Variants in ZNF446 observed in about 807,000 individuals in gnomAD.
ZNF446 encodes zinc finger protein with KRAB and SCAN domains 20.
ZNF446 carries 42 observed loss-of-function variants against 34.0 expected under a neutral mutation model. That is an observed-to-expected ratio of 1.23 (90% CI 0.96 to 1.60). The LOEUF (loss-of-function observed/expected upper bound fraction) is 1.60, where lower values mean the gene tolerates loss of function less well. Among genes scored for constraint, ZNF446 ranks in the 40% most tolerant of loss-of-function variants. The pLI is 0.00. For missense variants in ZNF446, 650 were observed against 600.2 expected, an observed-to-expected ratio of 1.08 and a Z score of -0.87; for synonymous variants, 315 against 251.0, an observed-to-expected ratio of 1.25 and a Z score of -2.41.
rs776012556 is a variant in ZNF446, at chr19:58,480,653, A to G, written c.1280A>G (p.Asp427Gly). ...GGCCAGCGGCGTCACTTCTGCAGTG[A>G]CTGTGGCCGCGCCTTCGACTGGAAG... Reference protein sequence around the residue: ...HTGQRRHFCSDCGRAFDWKSQ... With the variant: ...HTGQRRHFCSGCGRAFDWKSQ... The change falls in exon 7 of 7, where the codon GAC becomes GGC. Residue 427 changes from aspartate (D) to glycine (G), a missense_variant. Physicochemically the swap from Asp to Gly is moderately conservative, Grantham distance 94. Transcript: ENST00000594369. This position sits in a 1 kb window ranked among gnomAD's most constrained non-coding sequence, Gnocchi z 7.2. The G allele has an allele frequency of 6.2e-6, 10 of 1,611,896 alleles. No homozygotes were observed. Among genetic ancestry groups the G allele is most frequent in the Non-Finnish European group, 6.8e-6 (8 of 1,179,864 alleles).
intron 1 of ZNF446, 62 bp from the exon 2 acceptor site, chr19:58,477,116 TG>T: frequency 9.6e-7 from 1 of 1,040,614 alleles, no homozygotes; most frequent in Non-Finnish European, 1.4e-6. Flanking sequence ...GGGCTGAGCC[TG>T]GTGTCTGCCT....
At chr19:58,477,958 G>GA (rs2053103852) in intron 3 of ZNF446, 129 bp from the exon 4 acceptor site, 3 of 1,318,626 alleles carry the variant, frequency 2.3e-6, no homozygotes, top group Non-Finnish European at 2.1e-6. Context: ...CCCTGTCTGG[G>GA]ATGGGGACCT....
downstream of ZNF446, among the ~76,000 whole-genome samples, chr19:58,484,069 C>T (rs184975575): frequency 3.3e-3 from 508 of 152,044 alleles, no homozygotes; most frequent in Middle Eastern, 0.014. Flanking sequence ...TTATTTTTGC[C>T]TTAAAACAGC....
At chr19:58,486,675 C>T in the ZNF446 span, among the ~76,000 whole-genome samples, 2 of 149,086 alleles carry the variant, frequency 1.3e-5, no homozygotes, top group African/African-American at 5.0e-5. Context: ...CCCCAAAGTG[C>T]TGGGATTACA....
chr19:58,484,572 C>T (rs986967188), downstream of ZNF446, among the ~76,000 whole-genome samples: 5 of 151,942 alleles, frequency 3.3e-5, no homozygotes, highest in Admixed American at 3.3e-4. Context: ...TGGCTCACAC[C>T]TGTAAGCCCA....
chr19:58,479,699 G>A lies in ZNF446; in HGVS notation c.684G>A (p.Leu228=). 1 of 1,613,598 alleles carries A rather than the reference G, an allele frequency of 6.2e-7. No individual in the cohort carries two copies. The highest frequency in any genetic ancestry group is 8.5e-7 in the Non-Finnish European group (1 of 1,179,898). ...SQKELYWDAM[L]EKYGTVVSLG... Reference sequence around the variant, plus strand: ...AGGAACTGTACTGGGATGCGATGCTGGAGAAGTACGGCACAGTGGTCTCCC... The same window carrying A: ...AGGAACTGTACTGGGATGCGATGCTAGAGAAGTACGGCACAGTGGTCTCCC... The change falls in exon 5 of 7, where the codon CTG becomes CTA. Residue 228 remains leucine, a synonymous_variant. Transcript: ENST00000594369.
chr19:58,479,997 C>A lies in ZNF446; in HGVS notation c.780C>A (p.Gly260=). Residue 260 remains glycine (G), a synonymous_variant, in exon 6 of 7, where the codon GGC becomes GGA. Transcript: ENST00000594369. ...TGGGGATGCTGCTCACGGGGACAGG[C>A]GTCTGCAGAAGCCTGCGCTCGGGTG... ...SELGMLLTGT[G]VCRSLRSGNE... is the part of the protein sequence containing the mutation. 1 of 1,589,016 alleles carries A rather than the reference C, an allele frequency of 6.3e-7. No individual in the cohort carries two copies. The highest frequency in any genetic ancestry group is 8.5e-7 in the Non-Finnish European group (1 of 1,170,732).
At chr19:58,484,955 G>A (rs2053161578), downstream of ZNF446, among the ~76,000 whole-genome samples, 1 of 152,146 alleles carries the variant, frequency 6.6e-6, no homozygotes, top group Admixed American at 6.6e-5. Context: ...CTACTCGGGA[G>A]GCTGAGGCAG....
downstream of ZNF446, among the ~76,000 whole-genome samples, chr19:58,485,906 A>T (rs902175920): frequency 4.6e-5 from 7 of 151,768 alleles, no homozygotes; most frequent in African/African-American, 1.7e-4. Context: ...TATCAGGAAA[A>T]TGTAAAACTT....
At chr19:58,484,293 A>AAC (rs1491098037), downstream of ZNF446, among the ~76,000 whole-genome samples, 1 of 143,032 alleles carries the variant, frequency 7.0e-6, no homozygotes, top group African/African-American at 2.6e-5. Flanking sequence ...AAAAAAAAAA[A>AAC]ACACACAATT....
intron 1 of ZNF446, among the ~76,000 whole-genome samples, chr19:58,476,770 C>G (rs1019475588): frequency 6.6e-6 from 1 of 152,120 alleles, no homozygotes; most frequent in South Asian, 2.1e-4. Flanking sequence ...CCGTACATTA[C>G]AGCCTGGCCC....
chr19:58,481,042 C>G lies in ZNF446; in HGVS notation c.*316C>G. 5.4e-6 allele frequency: 2 copies of G among 370,566 alleles called. No homozygotes were observed. Among genetic ancestry groups the G allele is most frequent in the South Asian group, 4.4e-5 (1 of 22,700 alleles). The allele number at this position is 370,566 out of a possible 1,614,324, so 23.0% of individuals were successfully genotyped here. On this transcript the variant is annotated 3_prime_UTR_variant, in exon 7 of 7. Coordinates refer to ENST00000594369, the MANE Select transcript of ZNF446 (RefSeq NM_017908.4). Reference sequence around the variant, plus strand: ...TGACATGGCCTGGGCTGACAACACTCCCTCTCCTGGGACCTCCTTGCCTCA... The same window carrying G: ...TGACATGGCCTGGGCTGACAACACTGCCTCTCCTGGGACCTCCTTGCCTCA...
intron 1 of ZNF446, 45 bp from the exon 2 acceptor site, chr19:58,477,133 TG>T: frequency 7.9e-7 from 1 of 1,259,370 alleles, no homozygotes; most frequent in Non-Finnish European, 1.1e-6. Context: ...TGCCTTCCCC[TG>T]GCCAGATTCT....
chr19:58,488,857 A>AAC, the ZNF446 span, among the ~76,000 whole-genome samples: 16 of 151,286 alleles, frequency 1.1e-4, 1 homozygote, highest in African/African-American at 3.7e-4. Context: ...TCAAAAAAAA[A>AAC]AAAAAAACAA....
At chr19:58,479,876 C>G in intron 5 of ZNF446, 54 bp from the exon 6 acceptor site, 1 of 1,430,332 alleles carries the variant, frequency 7.0e-7, no homozygotes, top group Non-Finnish European at 9.6e-7. Flanking sequence ...CAGAACCGAC[C>G]CCACCCCTCC....
rs2053122947 is a variant in ZNF446 at position 58,479,947 on chromosome 19, C to T, written c.730C>T (p.Pro244Ser). Residue 244 changes from proline to serine, a missense_variant, in exon 6 of 7, where the codon CCA becomes TCA. Coordinates refer to ENST00000594369, the MANE Select transcript of ZNF446 (RefSeq NM_017908.4). Reference sequence around the variant, plus strand: ...CCGGGCAGGGTTACCGCCCCACCAGCCAGAGGCACAGGCCCAGTCAGAGCT... The same window carrying T: ...CCGGGCAGGGTTACCGCCCCACCAGTCAGAGGCACAGGCCCAGTCAGAGCT... ...VVSLGLPPHQ[P>S]EAQAQSELGM... 1 of 1,585,100 alleles carries T rather than the reference C, an allele frequency of 6.3e-7. No individual in the cohort carries two copies. The highest frequency in any genetic ancestry group is 1.1e-5 in the South Asian group (1 of 87,056).
At chr19:58,489,121 C>A in the ZNF446 span, among the ~76,000 whole-genome samples, 1 of 152,172 alleles carries the variant, frequency 6.6e-6, no homozygotes, top group Non-Finnish European at 1.5e-5. Context: ...AGGATAACAG[C>A]CCTTTCCCAA....
intron 5 of ZNF446, 55 bp downstream of exon 5, chr19:58,479,782 G>A (rs772901610): frequency 6.3e-7 from 1 of 1,575,332 alleles, no homozygotes; most frequent in Non-Finnish European, 8.7e-7. Context: ...CACCCACCCT[G>A]CAGCAGGCCT....
At position 58,477,454 on chromosome 19, in the gene ZNF446, C is replaced by G. The variant is rs751818635; in HGVS notation, c.236C>G (p.Pro79Arg). 1 of 1,613,616 alleles carries G rather than the reference C, an allele frequency of 6.2e-7. No individual in the cohort carries two copies. Among genetic ancestry groups the G allele is most frequent in the Middle Eastern group, 1.7e-4 (1 of 6,058 alleles). The change falls in exon 2 of 7, where the codon CCT becomes CGT. Residue 79 changes from proline to arginine, a missense_variant. By Grantham distance (103) the Pro-to-Arg change is moderately radical (BLOSUM62 -2). Coordinates refer to ENST00000594369, the MANE Select transcript of ZNF446 (RefSeq NM_017908.4). The stretch of plus-strand genomic sequence containing the variant: ...CTGGAGCAGTTCCTGGGCACACTGC[C>G]TCCCGAGATCCAGGCCTGGGTGCGC... ...LVLEQFLGTLPPEIQAWVRGQ... is the reference protein window; with the variant it reads ...LVLEQFLGTLRPEIQAWVRGQ...
Sources: gnomAD v4.1 joint callset for allele counts (sites outside exome capture counted in the v4.1 genomes callset) on GRCh38, gnomAD v4.1.1 for gene constraint, Gnocchi (gnomAD v3.1) non-coding constraint, MANE v1.5 for transcripts, NCBI Gene and HGNC (gene_info 2026-07-23, HGNC 2026-07-21) for gene names.